Variants in RALGAPA1 observed in about 807,000 individuals in gnomAD.
RALGAPA1 encodes the protein Ral GTPase activating protein catalytic subunit alpha 1.
RALGAPA1 carries 52 observed loss-of-function variants against 269.6 expected under a neutral mutation model. That is an observed-to-expected ratio of 0.19 (90% CI 0.15 to 0.24). RALGAPA1 has a LOEUF of 0.24. Ranked by LOEUF, RALGAPA1 falls within the 10% of genes least tolerant of loss-of-function variation. The pLI, the probability that RALGAPA1 is intolerant of heterozygous loss-of-function variation, is 1.00. For synonymous variants in RALGAPA1, 817 were observed against 1,008.3 expected, an observed-to-expected ratio of 0.81 and a Z score of 3.60; for missense variants, 1,917 against 3,013.9, an observed-to-expected ratio of 0.64 and a Z score of 8.52.
intron 30 of RALGAPA1, among the ~76,000 whole-genome samples, chr14:35,652,414 T>C (rs1435201571): frequency 6.6e-6 from 1 of 151,698 alleles, no homozygotes; most frequent in African/African-American, 2.4e-5. Flanking sequence ...TTTTTAAAAA[T>C]GTGACTTTTT....
At chr14:35,762,589 A>T in intron 5 of RALGAPA1, 121 bp downstream of exon 5, 1 of 742,686 alleles carries the variant, frequency 1.3e-6, no homozygotes, top group Non-Finnish European at 2.4e-6. Flanking sequence ...CACTTCAATT[A>T]AATAAACTGA....
chr14:35,576,057 C>T (rs2057540057), intron 37 of RALGAPA1, among the ~76,000 whole-genome samples: 1 of 152,120 alleles, frequency 6.6e-6, no homozygotes, highest in Non-Finnish European at 1.5e-5. Flanking sequence ...TATATCTTAC[C>T]TTTCCTTTTC....
intron 18 of RALGAPA1, among the ~76,000 whole-genome samples, chr14:35,687,466 A>AT (rs1318440876): frequency 6.6e-6 from 1 of 152,212 alleles, no homozygotes; most frequent in East Asian, 1.9e-4. Flanking sequence ...GTGAAATACC[A>AT]TTATCTTTAT....
intron 37 of RALGAPA1, among the ~76,000 whole-genome samples, chr14:35,577,233 T>C (rs1352305451): frequency 2.0e-5 from 3 of 152,162 alleles, no homozygotes; most frequent in African/African-American, 7.2e-5. Context: ...GAAAATCAGA[T>C]GTTCACCCAT....
At chr14:35,747,438 T>C (rs1273207960) in intron 10 of RALGAPA1, among the ~76,000 whole-genome samples, 1 of 152,200 alleles carries the variant, frequency 6.6e-6, no homozygotes, top group African/African-American at 2.4e-5. Flanking sequence ...ACATATTCTG[T>C]AAACACAAAC....
intron 5 of RALGAPA1, among the ~76,000 whole-genome samples, chr14:35,762,416 C>A (rs952270994): frequency 2.6e-5 from 4 of 152,024 alleles, no homozygotes; most frequent in Non-Finnish European, 5.9e-5. Flanking sequence ...CCACCACGCC[C>A]GGCTAATTTT....
At chr14:35,618,794 T>C (rs868796396) in intron 35 of RALGAPA1, among the ~76,000 whole-genome samples, 2 of 151,970 alleles carry the variant, frequency 1.3e-5, no homozygotes, top group South Asian at 2.1e-4. Flanking sequence ...CTAGAAAACG[T>C]AATGGGGGAA....
At chr14:35,753,505 C>G (rs1229472353) in intron 7 of RALGAPA1, among the ~76,000 whole-genome samples, 8 of 152,030 alleles carry the variant, frequency 5.3e-5, no homozygotes, top group Admixed American at 3.3e-4. Context: ...ATATTATTCA[C>G]CGCAATAAAA....
At chr14:35,752,252 T>G (rs555644821) in intron 7 of RALGAPA1, 90 bp from the exon 8 acceptor site, 1 of 1,326,856 alleles carries the variant, frequency 7.5e-7, no homozygotes, top group Non-Finnish European at 1.0e-6. Flanking sequence ...TTGTAAAAGG[T>G]TGCAATACAC....
At position 35,688,894 on chromosome 14, in the gene RALGAPA1, G is replaced by C; in HGVS notation, c.3517C>G (p.Pro1173Ala). 1 of 1,266,156 alleles carries C rather than the reference G, an allele frequency of 7.9e-7. No homozygotes were observed. The highest frequency in any genetic ancestry group is 2.9e-5 in the East Asian group (1 of 34,278). The allele number at this position is 1,266,156 out of a possible 1,614,324, so 78.4% of individuals were successfully genotyped here. Residue 1173 changes from proline (P) to alanine (A), a missense_variant, in exon 18 of 42, where the codon CCA (proline) becomes GCA (alanine). Pro to Ala is a conservative substitution (Grantham distance 27). Around this residue, in one of 11 missense-constraint regions of RALGAPA1, gnomAD observed 615 missense variants for 790.0 expected, o/e 0.78. Coordinates refer to ENST00000680220, the MANE Select transcript of RALGAPA1 (RefSeq NM_001346249.2). ...AGCTTCCGCAGTCTCATCTTCCATG[G>C]AGCCTCTTTGTTTTCCAGAGGATTA... is the stretch of plus-strand genomic sequence containing the variant. ...FYNPLENKEA[P>A]WKMRLRKLGG...
chr14:35,542,616 A>G (rs1222053305), intron 41 of RALGAPA1: 1 of 152,242 alleles, frequency 6.6e-6, no homozygotes, highest in African/African-American at 2.4e-5. Context: ...AGATGTAAAA[A>G]ATGTAGTAAC....
intron 4 of RALGAPA1, chr14:35,766,737 C>T: frequency 1.8e-6 from 1 of 541,314 alleles, no homozygotes; most frequent in Non-Finnish European, 3.7e-6. Context: ...AGTGAGATGC[C>T]TCATTGCTAA....
intron 22 of RALGAPA1, 58 bp downstream of exon 22, chr14:35,677,892 T>A: frequency 2.7e-6 from 4 of 1,499,800 alleles, no homozygotes; most frequent in Non-Finnish European, 2.8e-6. Flanking sequence ...TTATTTATGA[T>A]CTCCTGACAC....
intron 1 of RALGAPA1, among the ~76,000 whole-genome samples, chr14:35,802,995 T>A (rs2077089991): frequency 1.3e-5 from 2 of 151,912 alleles, no homozygotes; most frequent in South Asian, 4.1e-4. Flanking sequence ...GCTCAACTAA[T>A]CTTTAGACTC....
intron 37 of RALGAPA1, among the ~76,000 whole-genome samples, chr14:35,594,325 C>T (rs953143419): frequency 3.3e-5 from 5 of 152,082 alleles, no homozygotes; most frequent in Middle Eastern, 6.8e-3. Context: ...GTCAACAAAA[C>T]GAAAAGGCAC....
chr14:35,556,065 C>T (rs2055569503), intron 39 of RALGAPA1, among the ~76,000 whole-genome samples: 1 of 152,022 alleles, frequency 6.6e-6, no homozygotes, highest in South Asian at 2.1e-4. Context: ...AATTTGAAAA[C>T]AAACCACATT....
chr14:35,566,996 G>A (rs1265678091), intron 39 of RALGAPA1, among the ~76,000 whole-genome samples: 1 of 150,746 alleles, frequency 6.6e-6, no homozygotes, highest in East Asian at 1.9e-4. Flanking sequence ...TACTACACTA[G>A]GTATATATAC....
In RALGAPA1 at chr14:35,762,734, T is replaced by G; in HGVS notation, c.345A>C (p.Leu115=). Reference sequence around the variant, plus strand: ...CCTTTAAGGAGTTTCCTGTGTGAAGTAGCTTCTTTAAAATCAATCCTGAAA... The same window carrying G: ...CCTTTAAGGAGTTTCCTGTGTGAAGGAGCTTCTTTAAAATCAATCCTGAAA... ...FHSIGLILKK[L]LHTGNSLKIR... is the part of the protein sequence containing the mutation. The change falls in exon 5 of 42, where the codon CTA becomes CTC. Residue 115 remains leucine, a synonymous_variant. Transcript: ENST00000680220. 6.6e-7 allele frequency: 1 copy of G among 1,517,388 alleles called. No individual in the cohort carries two copies. The highest frequency in any genetic ancestry group is 9.2e-7 in the Non-Finnish European group (1 of 1,092,222). The allele number at this position is 1,517,388 out of a possible 1,614,324, so 94.0% of individuals were successfully genotyped here.
intron 36 of RALGAPA1, among the ~76,000 whole-genome samples, chr14:35,598,273 G>A (rs1225858920): frequency 6.6e-6 from 1 of 151,714 alleles, no homozygotes; most frequent in Non-Finnish European, 1.5e-5. Flanking sequence ...ATGTCCTTCT[G>A]GTCTCCAGTA....
Sources: allele counts gnomAD v4.1 joint callset (sites outside exome capture counted in the v4.1 genomes callset), GRCh38; gene constraint gnomAD v4.1.1; regional missense constraint gnomAD v4.1.1; transcripts MANE v1.5; gene names NCBI Gene and HGNC (gene_info 2026-07-23, HGNC 2026-07-21).